MS4A4E: variants seen among roughly 807,000 people sequenced by gnomAD.
MS4A4E encodes membrane spanning 4-domains A4E, also known as putative membrane-spanning 4-domains subfamily A member 4E.
In MS4A4E, 23 loss-of-function variants were observed where a neutral mutation model predicts 13.3. That is an observed-to-expected ratio of 1.73 (90% CI 1.25 to 2.45). The LOEUF (loss-of-function observed/expected upper bound fraction) is 2.45, where lower values mean the gene tolerates loss of function less well. Ranked by LOEUF, MS4A4E falls within the 30% of genes most tolerant of loss-of-function variation. MS4A4E has a pLI of 0.00. For synonymous variants in MS4A4E, 36 were observed against 45.6 expected (o/e 0.79, Z 0.85); for missense variants, 144 against 131.2 (o/e 1.10, Z -0.48).
intron 6 of MS4A4E, among the ~76,000 whole-genome samples, 64 bp from the exon 7 acceptor site, chr11:60,205,884 T>C (rs1016774791): frequency 9.9e-5 from 15 of 152,188 alleles, no homozygotes; most frequent in Admixed American, 2.6e-4. Context: ...CACATTTCCA[T>C]ATGTGACACA....
chr11:60,222,693 T>C (rs1053230964), intron 3 of MS4A4E, among the ~76,000 whole-genome samples: 3 of 152,136 alleles, frequency 2.0e-5, no homozygotes, highest in Admixed American at 6.5e-5. Context: ...CTAGAGGTCT[T>C]AGTTCCAGAG....
rs1279811181 is a variant in MS4A4E, at chr11:60,200,913, C to G, written c.*630G>C. On this transcript the variant is annotated 3_prime_UTR_variant, in exon 9 of 9. Coordinates refer to ENST00000651255, the MANE Select transcript of MS4A4E (RefSeq NM_001393391.1). ...CTCCCGGACGGGGCGGCTGGCCGGG[C>G]GGGGGGCTGACCCCTCCACCTCCCT... Among the ~76,000 whole-genome samples, 1 of 144,180 alleles carries G rather than the reference C, an allele frequency of 6.9e-6. No homozygotes were observed. Among genetic ancestry groups the G allele is most frequent in the African/African-American group, 2.6e-5 (1 of 38,668 alleles). 94.6% of individuals were successfully genotyped at this position (144,180 alleles called of 152,430 possible).
At chr11:60,224,870 A>C in intron 3 of MS4A4E, 1 of 1,110,532 alleles carries the variant, frequency 9.0e-7, no homozygotes, top group Non-Finnish European at 1.2e-6. Flanking sequence ...AAATTTACAG[A>C]ATTACAAGAT....
intron 3 of MS4A4E, among the ~76,000 whole-genome samples, chr11:60,221,185 C>T (rs1163869073): frequency 1.3e-5 from 2 of 152,148 alleles, no homozygotes; most frequent in Non-Finnish European, 2.9e-5. Context: ...AAACGGTTGG[C>T]TATGGGTCAT....
chr11:60,226,151 T>G (rs1311422728), intron 3 of MS4A4E, among the ~76,000 whole-genome samples: 1 of 151,482 alleles, frequency 6.6e-6, no homozygotes, highest in Non-Finnish European at 1.5e-5. Context: ...ATAAAATAAA[T>G]AATTAATTAA....
chr11:60,237,027 C>A lies in MS4A4E; in HGVS notation c.-17+5931G>T, dbSNP rs143750714. Among the ~76,000 whole-genome samples, 13 of 152,258 alleles carry A rather than the reference C, an allele frequency of 8.5e-5. No individual in the cohort carries two copies. The East Asian group carries it at 1.9e-3, about 23-fold the overall frequency. On this transcript the variant is annotated intron_variant, in intron 1 of 8. Coordinates refer to ENST00000651255, the MANE Select transcript of MS4A4E (RefSeq NM_001393391.1). ...CTGGGATTATAGGCATGAGCCACTG[C>A]GCCCAACCATATCACCCATGTTTTA...
At chr11:60,225,097 G>GA (rs2084324416) in intron 3 of MS4A4E, 10 of 1,521,722 alleles carry the variant, frequency 6.6e-6, no homozygotes, top group African/African-American at 1.4e-5. Context: ...GCACAACCTA[G>GA]AAATGATGAA....
At chr11:60,209,553 G>C (rs1220050820) in intron 5 of MS4A4E, among the ~76,000 whole-genome samples, 2 of 152,174 alleles carry the variant, frequency 1.3e-5, no homozygotes, top group Non-Finnish European at 2.9e-5. Flanking sequence ...GATTTTATAT[G>C]GTTCTGCCTA....
At chr11:60,202,823 A>G (rs1337088545) in intron 8 of MS4A4E, among the ~76,000 whole-genome samples, 1 of 152,210 alleles carries the variant, frequency 6.6e-6, no homozygotes, top group Non-Finnish European at 1.5e-5. Flanking sequence ...ATTACTATTG[A>G]CAGTGGAAAA....
chr11:60,214,171 C>T (rs979800339), intron 4 of MS4A4E, among the ~76,000 whole-genome samples: 2 of 152,058 alleles, frequency 1.3e-5, no homozygotes, highest in Admixed American at 1.3e-4. Context: ...CTCCCAAAGT[C>T]TTAGGATTAC....
chr11:60,227,658 A>T (rs2134958645), intron 3 of MS4A4E, among the ~76,000 whole-genome samples: 1 of 152,264 alleles, frequency 6.6e-6, no homozygotes, highest in South Asian at 2.1e-4. Context: ...AATCTTGAAG[A>T]AGAAGGAGTT....
At chr11:60,226,288 G>GTTATTATTATTATT (rs2084341765) in intron 3 of MS4A4E, among the ~76,000 whole-genome samples, 1 of 151,802 alleles carries the variant, frequency 6.6e-6, no homozygotes, top group Non-Finnish European at 1.5e-5. Flanking sequence ...ATTCTATGGA[G>GTTATTATTATTATT]CTAGCACTAT....
At position 60,213,059 on chromosome 11, in the gene MS4A4E, C is replaced by G. The variant is rs533511695; in HGVS notation, c.296G>C (p.Ser99Thr). The G allele has an allele frequency of 1.9e-4, 92 of 491,586 alleles. No individual in the cohort carries two copies. The highest frequency in any genetic ancestry group is 1.8e-3 in the African/African-American group (89 of 50,774). The allele number at this position is 491,586 out of a possible 1,614,324, so 30.5% of individuals were successfully genotyped here. ...GTAACGGAATGAATAAAACGTCAAG[C>G]TTATTGCATTGATTAAGATCCCTGA... ...AISGILINAI[S>T]LTFYSFRYHY... Residue 99 changes from serine (S) to threonine (T), a missense_variant, in exon 5 of 9, where the codon AGC becomes ACC. Ser to Thr is a moderately conservative substitution (Grantham distance 58). Transcript: ENST00000651255.
Position 60,230,033 on chromosome 11 carries a change from T to C in MS4A4E, c.23A>G (p.Glu8Gly). 1.2e-6 allele frequency: 2 copies of C among 1,601,152 alleles called. No individual in the cohort carries two copies. Among genetic ancestry groups the C allele is most frequent in the South Asian group, 2.3e-5 (2 of 88,546 alleles). Residue 8 changes from glutamate to glycine, a missense_variant, in exon 2 of 9, where the codon GAA becomes GGA. This residue lies in a region of MS4A4E where 119 missense variants were observed against 88.7 expected (regional missense o/e 1.34). Coordinates refer to ENST00000651255, the MANE Select transcript of MS4A4E (RefSeq NM_001393391.1). ...AGGGCCAGCCCCTGGAGTGGTCTGTTCCATTCCTTGCATGGTTGTCATGGC... is the reference window on the plus strand; with the variant it reads ...AGGGCCAGCCCCTGGAGTGGTCTGTCCCATTCCTTGCATGGTTGTCATGGC... MTTMQGM[E>G]QTTPGAGPDV... is the part of the protein sequence containing the mutation.
At chr11:60,215,590 A>C (rs1424046993) in intron 3 of MS4A4E, among the ~76,000 whole-genome samples, 1 of 151,944 alleles carries the variant, frequency 6.6e-6, no homozygotes, top group Non-Finnish European at 1.5e-5. Flanking sequence ...CATCTGTCTC[A>C]GTCTACAAGT....
intron 3 of MS4A4E, 99 bp downstream of exon 3, chr11:60,228,495 C>T: frequency 1.7e-6 from 1 of 583,980 alleles, no homozygotes; most frequent in Non-Finnish European, 3.0e-6. Flanking sequence ...TCATTGTTGA[C>T]TGAAATCTTC....
chr11:60,215,487 T>C (rs1238699076), intron 3 of MS4A4E, among the ~76,000 whole-genome samples: 1 of 151,744 alleles, frequency 6.6e-6, no homozygotes, highest in Non-Finnish European at 1.5e-5. Context: ...ACAGTGTTGA[T>C]AGGATAGGAC....
chr11:60,236,167 C>T (rs146456793), intron 1 of MS4A4E, among the ~76,000 whole-genome samples: 1 of 152,166 alleles, frequency 6.6e-6, no homozygotes, highest in African/African-American at 2.4e-5. Flanking sequence ...TTCTATATGT[C>T]TGTCCTTATG....
chr11:60,222,081 G>C (rs1262048494), intron 3 of MS4A4E, among the ~76,000 whole-genome samples: 1 of 152,148 alleles, frequency 6.6e-6, no homozygotes, highest in Non-Finnish European at 1.5e-5. Flanking sequence ...CCAGCACTGA[G>C]CCCTCAATAT....
Sources: allele counts gnomAD v4.1 joint callset (sites outside exome capture counted in the v4.1 genomes callset), GRCh38; gene constraint gnomAD v4.1.1; regional missense constraint gnomAD v4.1.1; transcripts MANE v1.5; gene names NCBI Gene and HGNC (gene_info 2026-07-23, HGNC 2026-07-21).